Variants in KCNN2 observed in about 807,000 individuals in gnomAD.
The protein encoded by KCNN2 is small conductance calcium-activated potassium channel protein 2.
In KCNN2, 24 loss-of-function variants were observed where a neutral mutation model predicts 55.5. That is an observed-to-expected ratio of 0.43 (90% confidence interval 0.31 to 0.61). The LOEUF is 0.61. Among genes scored for constraint, KCNN2 ranks in the 20% least tolerant of loss-of-function variants. The probability of loss-of-function intolerance (pLI) is 0.08; values close to 1 mark genes in which losing one functional copy is unlikely to be tolerated. For synonymous variants in KCNN2, 431 were observed against 336.1 expected, an observed-to-expected ratio of 1.28 and a Z score of -3.09; for missense variants, 754 against 853.6, an observed-to-expected ratio of 0.88 and a Z score of 1.45.
At chr5:114,117,042 G>A (rs1197871149) in intron 1 of KCNN2, among the ~76,000 whole-genome samples, 2 of 152,066 alleles carry the variant, frequency 1.3e-5, no homozygotes, top group African/African-American at 4.8e-5. Flanking sequence ...CACAATGGTA[G>A]ACATTTAACC....
At chr5:114,209,073 T>TC (rs1753826773) in intron 1 of KCNN2, among the ~76,000 whole-genome samples, 1 of 151,982 alleles carries the variant, frequency 6.6e-6, no homozygotes, top group Non-Finnish European at 1.5e-5. Context: ...TTTTTTTTTT[T>TC]TGAGACAGGG....
At chr5:114,419,649 A>G (rs1561373700) in intron 3 of KCNN2, among the ~76,000 whole-genome samples, 1 of 152,224 alleles carries the variant, frequency 6.6e-6, no homozygotes, top group Non-Finnish European at 1.5e-5. Flanking sequence ...CTTTCTGACT[A>G]GTACTAGCTA....
At chr5:114,267,574 T>C (rs1755235656) in intron 2 of KCNN2, among the ~76,000 whole-genome samples, 1 of 152,114 alleles carries the variant, frequency 6.6e-6, no homozygotes, top group Admixed American at 6.5e-5. Flanking sequence ...ATATTTAGAA[T>C]CCAGTCTTTA....
intron 1 of KCNN2, among the ~76,000 whole-genome samples, chr5:114,194,293 A>G (rs1159839484): frequency 1.3e-5 from 2 of 152,042 alleles, no homozygotes; most frequent in Non-Finnish European, 2.9e-5. Flanking sequence ...CCCAAAATGA[A>G]TGCATCATTT....
chr5:114,239,023 T>A (rs562502343), intron 2 of KCNN2, among the ~76,000 whole-genome samples: 1 of 152,252 alleles, frequency 6.6e-6, no homozygotes, highest in East Asian at 1.9e-4. Context: ...AACAACAGAT[T>A]TAGTTTTTAT....
intron 1 of KCNN2, among the ~76,000 whole-genome samples, chr5:114,169,944 C>T (rs1752998443): frequency 6.6e-6 from 1 of 151,996 alleles, no homozygotes; most frequent in South Asian, 2.1e-4. Context: ...TTATCCAGCA[C>T]CTTAGTGAAT....
chr5:114,084,892 C>T (rs965632244), intron 1 of KCNN2, among the ~76,000 whole-genome samples: 2 of 151,860 alleles, frequency 1.3e-5, no homozygotes, highest in Non-Finnish European at 2.9e-5. Flanking sequence ...TCCATTTGTT[C>T]TAGCACCATT....
intron 1 of KCNN2, among the ~76,000 whole-genome samples, chr5:114,184,190 A>G (rs991700386): frequency 2.5e-4 from 38 of 152,304 alleles, no homozygotes; most frequent in African/African-American, 7.7e-4. Context: ...CAAAGGACTC[A>G]GTATCATAGT....
intron 2 of KCNN2, among the ~76,000 whole-genome samples, chr5:114,403,384 T>C (rs903842317): frequency 6.6e-6 from 1 of 152,212 alleles, no homozygotes; most frequent in Non-Finnish European, 1.5e-5. Flanking sequence ...ATGTGACTTG[T>C]AATAGTCCCT....
intron 1 of KCNN2, among the ~76,000 whole-genome samples, chr5:114,060,122 A>G (rs183305541): frequency 5.4e-4 from 82 of 152,330 alleles, no homozygotes; most frequent in Admixed American, 1.2e-3. Context: ...TTCCCATACC[A>G]GATATCACAT....
rs527458203 is a variant in KCNN2 at position 114,395,363 on chromosome 5, A to G, written c.1219-9075A>G. Among the ~76,000 whole-genome samples the G allele has an allele frequency of 1.7e-4, 26 of 152,358 alleles. No homozygotes were observed. In the South Asian group the frequency reaches 3.3e-3, roughly 19 times the overall value. ...ATGGTGGGACATATTCTGAGGGCAC[A>G]TTCAGCATTATGCCTACAAGTTACT... On this transcript the variant is annotated intron_variant, in intron 2 of 7. Coordinates refer to ENST00000673685, the MANE Select transcript of KCNN2 (RefSeq NM_021614.4).
At chr5:114,101,165 T>G (rs2112569277) in intron 1 of KCNN2, among the ~76,000 whole-genome samples, 1 of 152,082 alleles carries the variant, frequency 6.6e-6, no homozygotes, top group South Asian at 2.1e-4. Flanking sequence ...TGCTTGGTAG[T>G]TTTTGTTTAT....
chr5:114,110,608 T>C (rs1021150634), intron 1 of KCNN2, among the ~76,000 whole-genome samples: 7 of 152,070 alleles, frequency 4.6e-5, no homozygotes, highest in African/African-American at 1.7e-4. Flanking sequence ...TTTCCCATTC[T>C]CTTTTGGACA....
chr5:114,401,424 A>G (rs1269208293), intron 2 of KCNN2, among the ~76,000 whole-genome samples: 1 of 152,194 alleles, frequency 6.6e-6, no homozygotes, highest in African/African-American at 2.4e-5. Flanking sequence ...TTTAATTGAT[A>G]TTAGGACCTA....
chr5:114,368,906 G>A (rs1398765633), intron 2 of KCNN2, among the ~76,000 whole-genome samples: 1 of 151,854 alleles, frequency 6.6e-6, no homozygotes, highest in Non-Finnish European at 1.5e-5. Flanking sequence ...CCTATTCTAT[G>A]GATGTACTGT....
chr5:114,177,870 A>G (rs936126772), intron 1 of KCNN2, among the ~76,000 whole-genome samples: 1 of 152,226 alleles, frequency 6.6e-6, no homozygotes, highest in African/African-American at 2.4e-5. Flanking sequence ...TTGATCAATT[A>G]GACATCGGAT....
rs559887191 is a variant in KCNN2, at chr5:114,294,073, T to C, written c.-184-66872T>C. 5.3e-5 allele frequency among the ~76,000 whole-genome samples: 8 copies of C among 152,288 alleles called. No homozygotes were observed. In the South Asian group the frequency reaches 1.5e-3, roughly 28 times the overall value. On this transcript the variant is annotated intron_variant, in intron 2 of 10. Coordinates refer to the KCNN2 transcript ENST00000512097. Reference sequence around the variant, plus strand: ...TCATTTTTCATTGCGTCTATTTGATTCTTCTCTCTTTTTTTCTTTATTAGT... The same window carrying C: ...TCATTTTTCATTGCGTCTATTTGATCCTTCTCTCTTTTTTTCTTTATTAGT...
chr5:114,419,513 C>G (rs981527740), intron 3 of KCNN2, among the ~76,000 whole-genome samples: 4 of 152,162 alleles, frequency 2.6e-5, no homozygotes, highest in Admixed American at 6.5e-5. Context: ...GGAGGCACCA[C>G]CCCCTACCAA....
intron 2 of KCNN2, among the ~76,000 whole-genome samples, chr5:114,282,646 G>A (rs1423079783): frequency 6.6e-6 from 1 of 152,030 alleles, no homozygotes; most frequent in Non-Finnish European, 1.5e-5. Context: ...TTTTTATACT[G>A]CTTTTGTTGG....
Sources: gnomAD v4.1 joint callset for allele counts (sites outside exome capture counted in the v4.1 genomes callset) on GRCh38, gnomAD v4.1.1 for gene constraint, MANE v1.5 for transcripts, NCBI Gene and HGNC (gene_info 2026-07-23, HGNC 2026-07-21) for gene names.